LRRC4C: variants seen among roughly 807,000 people sequenced by gnomAD.
LRRC4C encodes the protein leucine rich repeat containing 4C.
LRRC4C carries 5 observed loss-of-function variants against 33.6 expected under a neutral mutation model. The ratio of observed to expected loss-of-function variants is 0.15; its 90% CI spans 0.08 to 0.31. LRRC4C has a LOEUF of 0.31. LRRC4C is among the 10% of genes least tolerant of loss of function. The pLI is 1.00. For synonymous variants in LRRC4C, 329 were observed against 302.0 expected (o/e 1.09, Z -0.93); for missense variants, 560 against 796.7 (o/e 0.70, Z 3.58).
chr11:40,174,410 C>T (rs1378033706), intron 5 of LRRC4C, among the ~76,000 whole-genome samples: 2 of 152,092 alleles, frequency 1.3e-5, no homozygotes, highest in Non-Finnish European at 2.9e-5. Flanking sequence ...TTATCAATCC[C>T]TATATAACTG....
At chr11:40,582,345 T>A (rs941716260) in intron 3 of LRRC4C, among the ~76,000 whole-genome samples, 1 of 152,066 alleles carries the variant, frequency 6.6e-6, no homozygotes, top group African/African-American at 2.4e-5. Context: ...CTAAACAATA[T>A]TTTTTTCTAT....
At chr11:40,582,636 C>A (rs1047996260) in intron 3 of LRRC4C, among the ~76,000 whole-genome samples, 15 of 151,482 alleles carry the variant, frequency 9.9e-5, no homozygotes, top group Non-Finnish European at 5.9e-5. Flanking sequence ...CCTGCCTCAG[C>A]CTCCCAAGGA....
At chr11:41,431,632 AGT>A (rs571043020) in intron 1 of LRRC4C, among the ~76,000 whole-genome samples, 96 of 125,214 alleles carry the variant, frequency 7.7e-4, no homozygotes, top group Admixed American at 4.1e-3. Context: ...GATTTCTAAG[AGT>A]GTGTGTGTGT....
intron 3 of LRRC4C, among the ~76,000 whole-genome samples, chr11:40,420,506 T>C (rs895321607): frequency 2.6e-5 from 4 of 152,200 alleles, no homozygotes; most frequent in African/African-American, 9.7e-5. Flanking sequence ...TCTATCTCCA[T>C]TTGTTCTAAA....
At chr11:40,620,100 C>G (rs1421965342) in intron 3 of LRRC4C, among the ~76,000 whole-genome samples, 1 of 148,688 alleles carries the variant, frequency 6.7e-6, no homozygotes, top group Non-Finnish European at 1.5e-5. Flanking sequence ...GAGAGCTGAG[C>G]TGATTTTGTT....
intron 3 of LRRC4C, among the ~76,000 whole-genome samples, chr11:40,595,272 A>G (rs1959208474): frequency 6.6e-6 from 1 of 152,116 alleles, no homozygotes; most frequent in Non-Finnish European, 1.5e-5. Context: ...TGATAAATAT[A>G]AATTAGGACG....
intron 5 of LRRC4C, among the ~76,000 whole-genome samples, chr11:40,188,096 T>A (rs1182498865): frequency 6.6e-6 from 1 of 152,142 alleles, no homozygotes; most frequent in Admixed American, 6.5e-5. Flanking sequence ...ATAGAAAAAC[T>A]CTCACCTGAA....
chr11:40,740,396 C>T (rs1444805188), intron 2 of LRRC4C, among the ~76,000 whole-genome samples: 1 of 151,954 alleles, frequency 6.6e-6, no homozygotes, highest in Non-Finnish European at 1.5e-5. Context: ...TTTTAACCTT[C>T]ACTGTTGTTG....
intron 2 of LRRC4C, among the ~76,000 whole-genome samples, chr11:40,855,229 G>T (rs1437339946): frequency 6.6e-6 from 1 of 152,118 alleles, no homozygotes; most frequent in East Asian, 1.9e-4. Context: ...CATCTAAAGT[G>T]TTCTAACAAT....
At chr11:40,474,980 A>G (rs1451756217) in intron 3 of LRRC4C, among the ~76,000 whole-genome samples, 1 of 152,230 alleles carries the variant, frequency 6.6e-6, no homozygotes, top group African/African-American at 2.4e-5. Context: ...GTGGAGAAAC[A>G]GGAACTCTTT....
At chr11:40,335,853 T>G (rs1453926290) in intron 3 of LRRC4C, among the ~76,000 whole-genome samples, 1 of 152,218 alleles carries the variant, frequency 6.6e-6, no homozygotes, top group East Asian at 1.9e-4. Context: ...CCAGATAAAC[T>G]GGATTCGAGT....
intron 3 of LRRC4C, among the ~76,000 whole-genome samples, chr11:40,396,723 T>A (rs10837397): frequency 0.38 from 57,529 of 151,922 alleles, 11,265 homozygotes; most frequent in South Asian, 0.47. Flanking sequence ...ATACATTTTT[T>A]AAAAAAGGTC....
intron 5 of LRRC4C, among the ~76,000 whole-genome samples, chr11:40,153,471 G>A (rs1858395504): frequency 6.6e-6 from 1 of 152,128 alleles, no homozygotes; most frequent in South Asian, 2.1e-4. Context: ...GAATTCAGGA[G>A]GTTAGTTATT....
intron 3 of LRRC4C, among the ~76,000 whole-genome samples, chr11:40,526,448 T>C (rs539958968): frequency 1.3e-5 from 2 of 151,858 alleles, no homozygotes; most frequent in South Asian, 2.1e-4. Context: ...TAAAAGAGAA[T>C]ATCTAAATGG....
At chr11:41,009,749 C>T (rs191261638) in intron 1 of LRRC4C, among the ~76,000 whole-genome samples, 41 of 152,200 alleles carry the variant, frequency 2.7e-4, no homozygotes, top group Non-Finnish European at 4.4e-4. Flanking sequence ...TGGGTGACTA[C>T]TACCCTTTTG....
At chr11:40,984,280 G>A (rs1216609168) in intron 1 of LRRC4C, among the ~76,000 whole-genome samples, 2 of 139,546 alleles carry the variant, frequency 1.4e-5, no homozygotes, top group Non-Finnish European at 3.1e-5. Context: ...AAGAAGGAAG[G>A]GAGAGAGGGA....
intron 3 of LRRC4C, among the ~76,000 whole-genome samples, chr11:40,413,344 A>G (rs543749784): frequency 6.6e-6 from 1 of 152,158 alleles, no homozygotes; most frequent in African/African-American, 2.4e-5. Context: ...ACTCGGCCAA[A>G]TGGGATTGTT....
intron 3 of LRRC4C, among the ~76,000 whole-genome samples, chr11:40,494,924 A>C (rs1954351536): frequency 6.6e-6 from 1 of 152,212 alleles, no homozygotes; most frequent in Non-Finnish European, 1.5e-5. Context: ...GTTAGGTTTT[A>C]AATTTTTCCT....
chr11:41,274,860 A>G (rs142700055), intron 1 of LRRC4C, among the ~76,000 whole-genome samples: 95 of 152,270 alleles, frequency 6.2e-4, no homozygotes, highest in African/African-American at 2.2e-3. Flanking sequence ...CGGAAGGAAC[A>G]AACTCCGGAC....
Sources: allele counts gnomAD v4.1 joint callset (sites outside exome capture counted in the v4.1 genomes callset), GRCh38; gene constraint gnomAD v4.1.1; transcripts MANE v1.5; gene names NCBI Gene and HGNC (gene_info 2026-07-23, HGNC 2026-07-21).